The following MAP4K5 variants were observed in gnomAD, a reference collection of about 807,000 sequenced individuals.
The protein encoded by MAP4K5 is MAPK/ERK kinase kinase kinase 5.
Under a neutral mutation model 135.6 loss-of-function variants are expected in MAP4K5, and 82 were observed. That is an observed-to-expected ratio of 0.60 (90% CI 0.51 to 0.73). The LOEUF is 0.73. Ranked by LOEUF, MAP4K5 falls within the 30% of genes least tolerant of loss-of-function variation. MAP4K5 has a pLI of 0.00. For synonymous variants in MAP4K5, 347 were observed against 335.0 expected (o/e 1.04, Z -0.39); for missense variants, 907 against 1,010.9 (o/e 0.90, Z 1.39).
chr14:50,494,341 G>A (rs1223753162), intron 3 of MAP4K5, among the ~76,000 whole-genome samples: 1 of 151,722 alleles, frequency 6.6e-6, no homozygotes, highest in Non-Finnish European at 1.5e-5. Context: ...GCTAATTTTT[G>A]TATTTTTAGT....
intron 13 of MAP4K5, among the ~76,000 whole-genome samples, chr14:50,457,573 C>T (rs760676663): frequency 6.6e-6 from 1 of 152,106 alleles, no homozygotes; most frequent in African/African-American, 2.4e-5. Context: ...AATTCAAAGC[C>T]CCAGGAGGAT....
intron 31 of MAP4K5, among the ~76,000 whole-genome samples, chr14:50,423,794 G>A (rs1404088699): frequency 6.6e-6 from 1 of 152,064 alleles, no homozygotes; most frequent in East Asian, 1.9e-4. Context: ...AGCTGCAGAG[G>A]GTGCTCAGCC....
intron 30 of MAP4K5, 29 bp from the exon 31 acceptor site, chr14:50,426,006 A>AAT: frequency 7.3e-7 from 1 of 1,361,638 alleles, no homozygotes; most frequent in Non-Finnish European, 1.0e-6. Flanking sequence ...AAGTGAAACT[A>AAT]ATATAAAGCA....
chr14:50,421,551 C>T (rs892076518), intron 32 of MAP4K5, among the ~76,000 whole-genome samples: 30 of 151,550 alleles, frequency 2.0e-4, no homozygotes, highest in African/African-American at 7.0e-4. Context: ...CATGAGTCAC[C>T]GCGCCCGGCA....
At chr14:50,448,081 T>G (rs1385039372) in intron 15 of MAP4K5, among the ~76,000 whole-genome samples, 1 of 152,200 alleles carries the variant, frequency 6.6e-6, no homozygotes, top group Admixed American at 6.5e-5. Flanking sequence ...TAGCTTGATC[T>G]TGGCTCACTG....
chr14:50,453,248 C>A (rs1215549332), intron 14 of MAP4K5, among the ~76,000 whole-genome samples: 4 of 145,358 alleles, frequency 2.8e-5, no homozygotes, highest in African/African-American at 1.0e-4. Context: ...ACTCAACCAC[C>A]AATACACTCT....
chr14:50,426,278 A>G lies in MAP4K5; in HGVS notation c.2327-301T>C, dbSNP rs533587552. On this transcript the variant is annotated intron_variant, in intron 30 of 32. Coordinates refer to ENST00000682126, the MANE Select transcript of MAP4K5 (RefSeq NM_006575.6). ...TTCTTTCATACAAAAGATACAGTGT[A>G]TCTTTTGTCTTAAATGAATAAAATC... Among the ~76,000 whole-genome samples, 4 of 152,320 alleles carry G rather than the reference A, an allele frequency of 2.6e-5. No individual in the cohort carries two copies. The East Asian group carries it at 7.7e-4, about 29-fold the overall frequency.
chr14:50,558,346 G>A (rs528574857), intron 1 of MAP4K5, among the ~76,000 whole-genome samples: 10 of 152,334 alleles, frequency 6.6e-5, no homozygotes, highest in Admixed American at 6.5e-4. Context: ...GCAACAGAGG[G>A]AGACTGTGTC....
chr14:50,560,047 CTG>C, intron 1 of MAP4K5: 1 of 603,118 alleles, frequency 1.7e-6, no homozygotes, highest in Admixed American at 2.6e-5. Flanking sequence ...ACGCTGGTAT[CTG>C]TGTGAACTCG....
intron 6 of MAP4K5, among the ~76,000 whole-genome samples, chr14:50,480,870 C>A (rs895694689): frequency 5.3e-5 from 8 of 152,076 alleles, no homozygotes; most frequent in African/African-American, 1.7e-4. Flanking sequence ...ATGACAATTA[C>A]TGTGTATCTA....
intron 14 of MAP4K5, among the ~76,000 whole-genome samples, chr14:50,451,275 G>C (rs1413532800): frequency 6.6e-6 from 1 of 151,992 alleles, no homozygotes. Context: ...AAAAACTTAC[G>C]TGTGGATACA....
chr14:50,531,690 A>G (rs1338135271), intron 2 of MAP4K5, among the ~76,000 whole-genome samples: 1 of 152,216 alleles, frequency 6.6e-6, no homozygotes, highest in Non-Finnish European at 1.5e-5. Context: ...AAGCCCTATT[A>G]AAAAGCCTTT....
intron 1 of MAP4K5, among the ~76,000 whole-genome samples, chr14:50,546,405 CATGTTT>C (rs1467192745): frequency 6.6e-6 from 1 of 151,816 alleles, no homozygotes; most frequent in African/African-American, 2.4e-5. Context: ...AGAGAGCATA[CATGTTT>C]ATGTTTATAT....
intron 23 of MAP4K5, 44 bp from the exon 24 acceptor site, chr14:50,438,138 G>A: frequency 8.4e-6 from 6 of 711,628 alleles, no homozygotes; most frequent in East Asian, 5.1e-5. Flanking sequence ...AAGCAAAATA[G>A]AAAAACACAC....
chr14:50,488,908 A>G (rs2037424885), intron 3 of MAP4K5, among the ~76,000 whole-genome samples: 1 of 152,264 alleles, frequency 6.6e-6, no homozygotes, highest in South Asian at 2.1e-4. Context: ...ATCATGGAAG[A>G]GACTTACATA....
chr14:50,425,893 CTGAGAAGG>C lies in MAP4K5; in HGVS notation c.2397+6_2397+13del, dbSNP rs2035835159. Reference sequence around the variant, plus strand: ...GTTAGTGGGAGTCAGTGGAGGTAATCTGAGAAGGCTTACCTCATCTGACTTGAAGCTTT... The same window carrying C: ...GTTAGTGGGAGTCAGTGGAGGTAATCCTTACCTCATCTGACTTGAAGCTTT... On this transcript the variant is annotated splice_donor_region_variant and intron_variant, in intron 31 of 32. Coordinates refer to ENST00000682126, the MANE Select transcript of MAP4K5 (RefSeq NM_006575.6). 3 of 1,596,832 alleles carry C rather than the reference CTGAGAAGG, an allele frequency of 1.9e-6. No homozygotes were observed. Among genetic ancestry groups the C allele is most frequent in the Non-Finnish European group, 1.7e-6 (2 of 1,167,226 alleles).
intron 2 of MAP4K5, among the ~76,000 whole-genome samples, chr14:50,506,825 C>T (rs1388736572): frequency 6.6e-6 from 1 of 152,122 alleles, no homozygotes; most frequent in Admixed American, 6.5e-5. Flanking sequence ...AACACATTTA[C>T]AAAAAGGGGA....
At chr14:50,556,605 C>A (rs1479054711) in intron 1 of MAP4K5, among the ~76,000 whole-genome samples, 1 of 152,098 alleles carries the variant, frequency 6.6e-6, no homozygotes, top group Non-Finnish European at 1.5e-5. Flanking sequence ...CCAAAAGAAA[C>A]CTCATACTCA....
At chr14:50,435,206 C>A in intron 26 of MAP4K5, 141 bp from the exon 27 acceptor site, 1 of 472,044 alleles carries the variant, frequency 2.1e-6, no homozygotes, top group Non-Finnish European at 3.8e-6. Context: ...TTGCCTTTTC[C>A]GTTTTACTTT....
Sources: allele counts gnomAD v4.1 joint callset (sites outside exome capture counted in the v4.1 genomes callset), GRCh38; gene constraint gnomAD v4.1.1; transcripts MANE v1.5; gene names NCBI Gene and HGNC (gene_info 2026-07-23, HGNC 2026-07-21).